BNC2: variants seen among roughly 807,000 people sequenced by gnomAD.
BNC2 encodes the protein basonuclin zinc finger protein 2, also known as zinc finger protein basonuclin-2.
A neutral mutation model predicts 76.3 loss-of-function variants in BNC2; 20 were observed. The ratio of observed to expected loss-of-function variants is 0.26; its 90% CI spans 0.18 to 0.38. The LOEUF is 0.38. BNC2 is among the 10% of genes least tolerant of loss of function. The probability of loss-of-function intolerance (pLI) is 1.00; values close to 1 mark genes in which losing one functional copy is unlikely to be tolerated. For synonymous variants in BNC2, 582 were observed against 514.8 expected (o/e 1.13, Z -1.77); for missense variants, 1,382 against 1,399.8 (o/e 0.99, Z 0.20).
chr9:16,743,509 T>G (rs1172388957), intron 1 of BNC2, among the ~76,000 whole-genome samples: 1 of 152,172 alleles, frequency 6.6e-6, no homozygotes, highest in Admixed American at 6.5e-5. Flanking sequence ...GACCTTTGTG[T>G]AGTATTGTGG....
intron 1 of BNC2, among the ~76,000 whole-genome samples, chr9:16,861,436 T>C (rs1254681471): frequency 1.3e-5 from 2 of 151,962 alleles, no homozygotes; most frequent in Admixed American, 1.3e-4. Context: ...AGCAGAGGGC[T>C]TGTACTCAGA....
chr9:16,752,642 AAAT>A (rs1170546251), intron 1 of BNC2, among the ~76,000 whole-genome samples: 1 of 53,712 alleles, frequency 1.9e-5, no homozygotes, highest in African/African-American at 4.8e-5. Context: ...ACAAGTTACA[AAAT>A]AATCTGTATA....
At chr9:16,753,481 C>G (rs1248878583) in intron 1 of BNC2, among the ~76,000 whole-genome samples, 2 of 152,212 alleles carry the variant, frequency 1.3e-5, no homozygotes, top group African/African-American at 4.8e-5. Context: ...CAATGTGATT[C>G]AGTGACTAAA....
At chr9:16,458,508 A>G (rs1421292277) in intron 5 of BNC2, among the ~76,000 whole-genome samples, 1 of 152,244 alleles carries the variant, frequency 6.6e-6, no homozygotes, top group Non-Finnish European at 1.5e-5. Flanking sequence ...TGGCCTACAA[A>G]TATGATATAC....
chr9:16,869,601 C>T (rs372081997), intron 1 of BNC2, among the ~76,000 whole-genome samples: 32 of 152,300 alleles, frequency 2.1e-4, no homozygotes, highest in African/African-American at 6.7e-4. Context: ...CATGTCAGAT[C>T]CCCAAGTGGG....
intron 3 of BNC2, among the ~76,000 whole-genome samples, chr9:16,706,762 T>C (rs948168063): frequency 1.3e-5 from 2 of 152,150 alleles, no homozygotes; most frequent in Non-Finnish European, 2.9e-5. Context: ...GGACAGCAAT[T>C]AATTTTTAAA....
At position 16,436,090 on chromosome 9, in the gene BNC2, T is replaced by C; in HGVS notation, c.2104A>G (p.Arg702Gly). Residue 702 changes from arginine (R) to glycine (G), a missense_variant, in exon 6 of 7, where the codon AGG becomes GGG. By Grantham distance (125) the Arg-to-Gly change is moderately radical. This residue lies in a region of BNC2 where 798 missense variants were observed against 775.5 expected (regional missense o/e 1.03). Coordinates refer to ENST00000380672, the MANE Select transcript of BNC2 (RefSeq NM_017637.6). The part of the protein sequence containing the change: ...SKHNRTRCIS[R>G]TEIRRADSMT... ...CTGTCGGCCCTCCTTATTTCAGTCC[T>C]TGAAATGCACCGGGTCCTGTTATGC... 5 of 1,614,138 alleles carry C rather than the reference T, an allele frequency of 3.1e-6. No homozygotes were observed. The highest frequency in any genetic ancestry group is 1.3e-5 in the African/African-American group (1 of 75,038).
In BNC2 at chr9:16,588,590, T is replaced by C. The variant is rs186102525; in HGVS notation, c.331-5505A>G. Among the ~76,000 whole-genome samples the C allele has an allele frequency of 1.3e-5, 2 of 152,276 alleles. 1 individual carries two copies. Among genetic ancestry groups the C allele is most frequent in the Admixed American group, 1.3e-4 (2 of 15,294 alleles). ...TTACAATAAAAATAATTATAAATAT[T>C]CATATGCAAAAGTACATCTAAAATA... On this transcript the variant is annotated intron_variant, in intron 3 of 6. Transcript: ENST00000380672.
intron 3 of BNC2, chr9:16,699,113 CTGTTTTTGTTTT>C: frequency 2.2e-6 from 1 of 447,846 alleles, no homozygotes. Context: ...TGTTGCTGTT[CTGTTTTTGTTTT>C]TGTTTTTGTT....
chr9:16,500,509 T>A (rs1822495629), intron 5 of BNC2, among the ~76,000 whole-genome samples: 1 of 152,188 alleles, frequency 6.6e-6, no homozygotes, highest in South Asian at 2.1e-4. Context: ...ACAAAACATT[T>A]CACTCACTTG....
At chr9:16,661,293 T>C (rs1458554069) in intron 3 of BNC2, among the ~76,000 whole-genome samples, 1 of 152,220 alleles carries the variant, frequency 6.6e-6, no homozygotes, top group Admixed American at 6.5e-5. Flanking sequence ...CCTTATTAAC[T>C]GTTTGAACTT....
chr9:16,574,477 A>G (rs963281856), intron 4 of BNC2, among the ~76,000 whole-genome samples: 1 of 152,180 alleles, frequency 6.6e-6, no homozygotes, highest in Non-Finnish European at 1.5e-5. Flanking sequence ...CTGTGTTCAA[A>G]TAAGGGCTCA....
At chr9:16,711,855 T>C (rs866231611) in intron 3 of BNC2, among the ~76,000 whole-genome samples, 7 of 152,320 alleles carry the variant, frequency 4.6e-5, no homozygotes, top group Middle Eastern at 6.8e-3. Context: ...TTTCTCTGAG[T>C]CTTCACTTAC....
intron 1 of BNC2, 120 bp downstream of exon 1, chr9:16,870,526 C>T: frequency 8.5e-7 from 1 of 1,182,038 alleles, no homozygotes. Context: ...GCCCCTTGCC[C>T]CTCACGCCGC....
At chr9:16,632,506 A>G (rs1196030607) in intron 3 of BNC2, among the ~76,000 whole-genome samples, 1 of 150,544 alleles carries the variant, frequency 6.6e-6, no homozygotes, top group African/African-American at 2.5e-5. Context: ...CAAACTGATG[A>G]ACTCTTAATT....
At chr9:16,452,786 T>C (rs1441314643) in intron 5 of BNC2, among the ~76,000 whole-genome samples, 1 of 152,216 alleles carries the variant, frequency 6.6e-6, no homozygotes, top group Non-Finnish European at 1.5e-5. Flanking sequence ...ACTTTTTACA[T>C]TGATTAATTC....
intron 3 of BNC2, among the ~76,000 whole-genome samples, chr9:16,683,491 C>CAA (rs1822884426): frequency 6.6e-6 from 1 of 152,074 alleles, no homozygotes; most frequent in South Asian, 2.1e-4. Flanking sequence ...AGCCCTGGGG[C>CAA]AAAGCCTATG....
At chr9:16,766,427 G>A (rs938722360) in intron 1 of BNC2, among the ~76,000 whole-genome samples, 1 of 152,078 alleles carries the variant, frequency 6.6e-6, no homozygotes, top group African/African-American at 2.4e-5. Flanking sequence ...CCTCAAATCT[G>A]CCCCACTGCC....
At chr9:16,589,261 C>T (rs926103278) in intron 3 of BNC2, among the ~76,000 whole-genome samples, 1 of 152,084 alleles carries the variant, frequency 6.6e-6, no homozygotes, top group Non-Finnish European at 1.5e-5. Context: ...TCTCGGCTCA[C>T]TGCAACCTCT....
Sources: gnomAD v4.1 joint callset for allele counts (sites outside exome capture counted in the v4.1 genomes callset) on GRCh38, gnomAD v4.1.1 for gene constraint, gnomAD v4.1.1 regional missense constraint, MANE v1.5 for transcripts, NCBI Gene and HGNC (gene_info 2026-07-23, HGNC 2026-07-21) for gene names.